Variants in MTMR3 observed in about 807,000 individuals in gnomAD.
MTMR3 encodes the protein myotubularin related protein 3.
A neutral mutation model predicts 132.4 loss-of-function variants in MTMR3; 32 were observed. That is an observed-to-expected ratio of 0.24 (90% confidence interval 0.18 to 0.32). MTMR3 has a LOEUF of 0.32. MTMR3 is among the 10% of genes least tolerant of loss of function. The probability of loss-of-function intolerance (pLI) is 1.00; values close to 1 mark genes in which losing one functional copy is unlikely to be tolerated. For missense variants in MTMR3, 1,216 were observed against 1,489.6 expected (o/e 0.82, Z 3.02); for synonymous variants, 556 against 550.3 (o/e 1.01, Z -0.14).
intron 1 of MTMR3, among the ~76,000 whole-genome samples, chr22:29,909,065 A>AGGCTCCCACGACCTTCCC (rs2065157426): frequency 1.3e-5 from 2 of 148,520 alleles, no homozygotes. Context: ...TCGACCTTCC[A>AGGCTCCCACGACCTTCCC]GGCTCCCACG....
chr22:30,020,583 C>T lies in MTMR3; in HGVS notation c.2924C>T (p.Ser975Phe). The change falls in exon 17 of 20, where the codon TCT becomes TTT. Residue 975 changes from serine (S) to phenylalanine (F), a missense_variant. Around this residue, in one of 7 missense-constraint regions of MTMR3, gnomAD observed 852 missense variants for 852.0 expected, o/e 1.00. Transcript: ENST00000401950. ...AAGGACTCACTGAGCCGTCAGCTGT[C>T]TGCTATGAGCTGCAGCTCTGCCCAC... ...RSKDSLSRQLSAMSCSSAHLH... is the reference protein window; with the variant it reads ...RSKDSLSRQLFAMSCSSAHLH... 6.2e-7 allele frequency: 1 copy of T among 1,614,198 alleles called. No homozygotes were observed. Among genetic ancestry groups the T allele is most frequent in the Non-Finnish European group, 8.5e-7 (1 of 1,180,044 alleles).
intron 1 of MTMR3, among the ~76,000 whole-genome samples, chr22:29,883,786 T>C (rs2064604114): frequency 6.6e-6 from 1 of 152,118 alleles, no homozygotes; most frequent in South Asian, 2.1e-4. Context: ...CGTTGCCGGA[T>C]ACTGGAGGTC....
intron 1 of MTMR3, among the ~76,000 whole-genome samples, chr22:29,932,173 T>G (rs906454833): frequency 5.3e-5 from 8 of 152,232 alleles, no homozygotes; most frequent in Admixed American, 3.9e-4. Flanking sequence ...AAAATTGAGA[T>G]GTAATACACG....
At chr22:29,957,653 C>T (rs1176588059) in intron 2 of MTMR3, among the ~76,000 whole-genome samples, 1 of 151,968 alleles carries the variant, frequency 6.6e-6, no homozygotes, top group African/African-American at 2.4e-5. Context: ...GGATCTCGTT[C>T]TGTTGCCCAG....
chr22:30,024,073 T>C (rs1324759347), intron 19 of MTMR3: 1 of 152,662 alleles, frequency 6.6e-6, no homozygotes, highest in Non-Finnish European at 1.5e-5. Flanking sequence ...GGATGGCAGA[T>C]CACCTGAGGT....
At chr22:29,942,580 C>T (rs891647160) in intron 1 of MTMR3, among the ~76,000 whole-genome samples, 1 of 152,152 alleles carries the variant, frequency 6.6e-6, no homozygotes, top group African/African-American at 2.4e-5. Context: ...TTATTTCATC[C>T]CTCCGCTACG....
At position 29,978,485 on chromosome 22, in the gene MTMR3, A is replaced by T; in HGVS notation, c.47A>T (p.Gln16Leu). 6.2e-7 allele frequency: 1 copy of T among 1,613,920 alleles called. No homozygotes were observed. Among genetic ancestry groups the T allele is most frequent in the Non-Finnish European group, 8.5e-7 (1 of 1,179,848 alleles). The change falls in exon 4 of 20, where the codon CAG becomes CTG. Residue 16 changes from glutamine (Q) to leucine (L), a missense_variant. Gln to Leu is a moderately radical substitution (Grantham distance 113). Around this residue, in one of 7 missense-constraint regions of MTMR3, gnomAD observed 81 missense variants for 87.7 expected, o/e 0.92. Transcript: ENST00000401950. ...AGCCTTGAGTGCATCCAGGCCAATC[A>T]GATCTTTCCCAGGAAGCAGCTGATC... Reference protein sequence around the residue: ...RHSLECIQANQIFPRKQLIRE... With the variant: ...RHSLECIQANLIFPRKQLIRE...
chr22:29,949,787 C>A (rs2066038227), intron 1 of MTMR3, among the ~76,000 whole-genome samples: 1 of 151,972 alleles, frequency 6.6e-6, no homozygotes, highest in Admixed American at 6.6e-5. Context: ...AGTCGTCAGT[C>A]TAGTGTTAAA....
intron 2 of MTMR3, among the ~76,000 whole-genome samples, chr22:29,969,609 C>A (rs1389380541): frequency 6.6e-6 from 1 of 152,082 alleles, no homozygotes; most frequent in African/African-American, 2.4e-5. Context: ...CGGCTCACTG[C>A]AACCTCTGCC....
At chr22:30,009,573 A>C (rs1305182999) in intron 12 of MTMR3, 1 of 156,306 alleles carries the variant, frequency 6.4e-6, no homozygotes, top group African/African-American at 2.4e-5. Flanking sequence ...AAAGGGTTTA[A>C]ACTTGCCATT....
At chr22:29,995,769 A>G (rs1278874697) in intron 7 of MTMR3, 1 of 152,236 alleles carries the variant, frequency 6.6e-6, no homozygotes, top group African/African-American at 2.4e-5. Context: ...AGGGGAATCC[A>G]GCAATAGATC....
At position 30,020,677 on chromosome 22, in the gene MTMR3, C is replaced by G. The variant is rs2067721011; in HGVS notation, c.3018C>G (p.Ser1006Arg). The G allele has an allele frequency of 6.2e-7, 1 of 1,614,122 alleles. No individual in the cohort carries two copies. The highest frequency in any genetic ancestry group is 1.7e-5 in the Admixed American group (1 of 60,008). The change falls in exon 17 of 20, where the codon AGC becomes AGG. Residue 1006 changes from serine (S) to arginine (R), a missense_variant. By Grantham distance (110) the Ser-to-Arg change is moderately radical (BLOSUM62 -1). Coordinates refer to ENST00000401950, the MANE Select transcript of MTMR3 (RefSeq NM_021090.4). The part of the protein sequence containing the change: ...SHSGRPSATS[S>R]PDQPSRSHLD... Reference sequence around the variant, plus strand: ...CAGGAAGGCCATCTGCAACCAGCAGCCCCGACCAGCCTTCCCGCAGCCACC... The same window carrying G: ...CAGGAAGGCCATCTGCAACCAGCAGGCCCGACCAGCCTTCCCGCAGCCACC...
chr22:29,966,995 C>T (rs2066434256), intron 2 of MTMR3, among the ~76,000 whole-genome samples: 1 of 151,968 alleles, frequency 6.6e-6, no homozygotes, highest in Non-Finnish European at 1.5e-5. Flanking sequence ...TCAAATTGTA[C>T]ATTTTCTTTT....
intron 1 of MTMR3, among the ~76,000 whole-genome samples, chr22:29,954,448 G>A (rs16988122): frequency 0.043 from 6,563 of 151,892 alleles, 476 homozygotes; most frequent in African/African-American, 0.15. Flanking sequence ...TAATTTGCTC[G>A]CAATGTTTCA....
At chr22:30,003,606 C>T (rs1315715359) in intron 9 of MTMR3, 4 of 152,134 alleles carry the variant, frequency 2.6e-5, no homozygotes, top group East Asian at 1.9e-4. Context: ...TGCTAAGGCA[C>T]CTTGAATAAG....
At chr22:30,011,305 A>C (rs750995775) in intron 12 of MTMR3, 1 of 152,236 alleles carries the variant, frequency 6.6e-6, no homozygotes, top group Non-Finnish European at 1.5e-5. Flanking sequence ...AAAATGCAAC[A>C]GAGTTTAAAA....
At chr22:30,019,372 G>C in intron 16 of MTMR3, 108 bp from the exon 17 acceptor site, 1 of 1,010,210 alleles carries the variant, frequency 9.9e-7, no homozygotes, top group Non-Finnish European at 1.4e-6. Flanking sequence ...TCCATGAGTA[G>C]CCATAATGGA....
Position 29,991,488 on chromosome 22 carries a change from T to C in MTMR3, c.294-16T>C, listed in dbSNP as rs2066960165. The C allele has an allele frequency of 6.2e-7, 1 of 1,600,770 alleles. No individual in the cohort carries two copies. Among genetic ancestry groups the C allele is most frequent in the South Asian group, 1.1e-5 (1 of 88,836 alleles). Reference sequence around the variant, plus strand: ...TGTCTTCTGATTACATCCATACTTGTTTGGCTTTACAAAAGGTGTCAGTTT... The same window carrying C: ...TGTCTTCTGATTACATCCATACTTGCTTGGCTTTACAAAAGGTGTCAGTTT... On this transcript the variant is annotated splice_polypyrimidine_tract_variant and intron_variant, in intron 6 of 19. Transcript: ENST00000401950.
At chr22:29,907,829 C>T (rs2065133542) in intron 1 of MTMR3, among the ~76,000 whole-genome samples, 1 of 152,042 alleles carries the variant, frequency 6.6e-6, no homozygotes, top group Non-Finnish European at 1.5e-5. Flanking sequence ...TTCTGAAATG[C>T]AGTGTTTTGG....
Sources: gnomAD v4.1 joint callset for allele counts (sites outside exome capture counted in the v4.1 genomes callset) on GRCh38, gnomAD v4.1.1 for gene constraint, gnomAD v4.1.1 regional missense constraint, MANE v1.5 for transcripts, NCBI Gene and HGNC (gene_info 2026-07-23, HGNC 2026-07-21) for gene names.